The following DDX42 variants were observed in gnomAD, a reference collection of about 807,000 sequenced individuals.
DDX42 encodes DEAD-box helicase 42, also known as ATP-dependent RNA helicase DDX42.
DDX42 carries 22 observed loss-of-function variants against 101.5 expected under a neutral mutation model. The observed-to-expected ratio is 0.22, with a 90% CI of 0.15 to 0.31. The LOEUF is 0.31. DDX42 is among the 10% of genes least tolerant of loss of function. The pLI, the probability that DDX42 is intolerant of heterozygous loss-of-function variation, is 1.00. For missense variants in DDX42, 849 were observed against 1,199.9 expected (o/e 0.71, Z 4.32); for synonymous variants, 402 against 401.2 (o/e 1.00, Z -0.02).
chr17:63,793,027 C>T (rs2039648077), intron 3 of DDX42, among the ~76,000 whole-genome samples: 2 of 152,260 alleles, frequency 1.3e-5, no homozygotes, highest in South Asian at 4.1e-4. Flanking sequence ...AAACTCTTCT[C>T]ACTAGGCTTT....
intron 5 of DDX42, 69 bp downstream of exon 5, chr17:63,799,694 GC>G: frequency 6.7e-7 from 1 of 1,489,476 alleles, no homozygotes; most frequent in Non-Finnish European, 9.1e-7. Flanking sequence ...ACAAGCTAGA[GC>G]TTGCCTTCAC....
chr17:63,802,779 G>A (rs1044939178), intron 6 of DDX42, among the ~76,000 whole-genome samples: 1 of 151,834 alleles, frequency 6.6e-6, no homozygotes, highest in African/African-American at 2.4e-5. Context: ...GCATGGTGGT[G>A]CATGCCTGTA....
chr17:63,806,319 A>G (rs958666051), intron 7 of DDX42: 5 of 368,096 alleles, frequency 1.4e-5, no homozygotes, highest in Non-Finnish European at 1.9e-5. Flanking sequence ...TTGTATGACA[A>G]TTATCTTGGG....
chr17:63,786,999 G>A (rs969082787), intron 1 of DDX42, 35 bp from the exon 2 acceptor site: 4 of 1,606,808 alleles, frequency 2.5e-6, no homozygotes, highest in Non-Finnish European at 3.4e-6. Context: ...ACTTTTTTAA[G>A]TTTAATTTAT....
intron 3 of DDX42, among the ~76,000 whole-genome samples, chr17:63,793,293 T>G (rs975435360): frequency 6.6e-6 from 1 of 151,818 alleles, no homozygotes; most frequent in Non-Finnish European, 1.5e-5. Context: ...TGAGACAAAG[T>G]CTTGCTCTGA....
At chr17:63,786,999 GTTTAA>G (rs1555571503) in intron 1 of DDX42, 30 bp from the exon 2 acceptor site, 1 of 1,606,808 alleles carries the variant, frequency 6.2e-7, no homozygotes, top group Non-Finnish European at 8.5e-7. Flanking sequence ...ACTTTTTTAA[GTTTAA>G]TTTATATTTG....
At chr17:63,788,308 GT>G (rs1394170030) in intron 2 of DDX42, among the ~76,000 whole-genome samples, 10 of 136,376 alleles carry the variant, frequency 7.3e-5, no homozygotes, top group Non-Finnish European at 1.4e-4. Flanking sequence ...CAACATCTGA[GT>G]CTTTTTTTTT....
intron 15 of DDX42, among the ~76,000 whole-genome samples, chr17:63,814,675 CTTTTTTTTTTTTT>C (rs58211962): frequency 1.1e-5 from 1 of 90,456 alleles, no homozygotes; most frequent in Non-Finnish European, 2.0e-5. Context: ...GAGACATTTG[CTTTTTTTTTTTTT>C]TTTTTTTTTT....
chr17:63,801,744 T>C (rs1257307564), intron 6 of DDX42, among the ~76,000 whole-genome samples: 5 of 152,096 alleles, frequency 3.3e-5, no homozygotes, highest in African/African-American at 1.2e-4. Context: ...TGTGAGCCAC[T>C]GCATCCGGTC....
At chr17:63,792,635 T>G in intron 3 of DDX42, 73 bp downstream of exon 3, 4 of 1,446,154 alleles carry the variant, frequency 2.8e-6, no homozygotes, top group Non-Finnish European at 3.7e-6. Flanking sequence ...ACTTCAAATC[T>G]TATTCAAAAT....
intron 3 of DDX42, among the ~76,000 whole-genome samples, chr17:63,793,897 C>CA (rs1317363461): frequency 6.8e-6 from 1 of 147,822 alleles, no homozygotes; most frequent in Admixed American, 6.7e-5. Flanking sequence ...TAACTGATAA[C>CA]AAAACCGAGA....
At chr17:63,814,328 A>C (rs1452197008) in intron 15 of DDX42, among the ~76,000 whole-genome samples, 1 of 152,166 alleles carries the variant, frequency 6.6e-6, no homozygotes, top group Non-Finnish European at 1.5e-5. Context: ...CTGAGAGCAG[A>C]AACTGTTAAG....
rs143133152 is a variant in DDX42, at chr17:63,810,000, C to T, written c.1252+341C>T. 8.0e-3 allele frequency among the ~76,000 whole-genome samples: 1,216 copies of T among 152,206 alleles called. 20 individuals carry two copies. Among genetic ancestry groups the T allele is most frequent in the Middle Eastern group, 0.031 (9 of 294 alleles). ...TCGAGGCCCTTTGCTTTCCTATCCT[C>T]GTAGCTGTCTTTACTGATTGGAACA... is the stretch of plus-strand genomic sequence containing the variant. On this transcript the variant is annotated intron_variant, in intron 11 of 17. Transcript: ENST00000389924.
Position 63,812,093 on chromosome 17 carries a change from G to A in DDX42, c.1560G>A (p.Gln520=). 3.7e-6 allele frequency: 6 copies of A among 1,614,248 alleles called. No individual in the cohort carries two copies. Among genetic ancestry groups the A allele is most frequent in the Non-Finnish European group, 5.1e-6 (6 of 1,180,052 alleles). The part of the protein sequence containing the change: ...NAEELANNLK[Q]EGHNLGLLHG... ...AAGAGCTAGCGAATAACCTTAAACAGGAGGGTCATAATCTTGGGCTGCTCC... is the reference window on the plus strand; with the variant it reads ...AAGAGCTAGCGAATAACCTTAAACAAGAGGGTCATAATCTTGGGCTGCTCC... The change falls in exon 14 of 18, where the codon CAG becomes CAA. Residue 520 remains glutamine (Q), a synonymous_variant. Transcript: ENST00000389924.
chr17:63,815,011 T>C (rs977372416), intron 15 of DDX42, among the ~76,000 whole-genome samples: 9 of 152,268 alleles, frequency 5.9e-5, no homozygotes, highest in Middle Eastern at 6.8e-3. Flanking sequence ...TGAGTAAATA[T>C]GTTGAGTGGC....
chr17:63,797,333 C>G (rs1008472794), intron 3 of DDX42, among the ~76,000 whole-genome samples: 1 of 122,812 alleles, frequency 8.1e-6, no homozygotes. Context: ...GCCTGGGCAA[C>G]GAGAGCGAAA....
At chr17:63,789,553 GTTTTTGTTTTTGTTTT>G (rs2039596040) in intron 2 of DDX42, among the ~76,000 whole-genome samples, 1 of 28,654 alleles carries the variant, frequency 3.5e-5, no homozygotes, top group African/African-American at 9.5e-5. Flanking sequence ...AGACTTTTTT[GTTTTTGTTTTTGTTTT>G]TGTTTTTTTT....
intron 4 of DDX42, 100 bp downstream of exon 4, chr17:63,798,199 C>T (rs1305601000): frequency 3.9e-6 from 4 of 1,020,256 alleles, no homozygotes; most frequent in Admixed American, 2.2e-5. Flanking sequence ...TATTGACGTA[C>T]ACTTGTGTAC....
chr17:63,785,470 A>T (rs1367700872), intron 1 of DDX42, among the ~76,000 whole-genome samples: 2 of 138,840 alleles, frequency 1.4e-5, no homozygotes, highest in East Asian at 2.2e-4. Context: ...AAACAAAAAA[A>T]TTTTTTTTGG....
Sources: allele counts gnomAD v4.1 joint callset (sites outside exome capture counted in the v4.1 genomes callset), GRCh38; gene constraint gnomAD v4.1.1; transcripts MANE v1.5; gene names NCBI Gene and HGNC (gene_info 2026-07-23, HGNC 2026-07-21).